Variants in TMCO6 observed in about 807,000 individuals in gnomAD.
TMCO6 encodes transmembrane and coiled-coil domains 6.
A neutral mutation model predicts 61.8 loss-of-function variants in TMCO6; 47 were observed. That is an observed-to-expected ratio of 0.76 (90% CI 0.60 to 0.97). The LOEUF (loss-of-function observed/expected upper bound fraction) is 0.97. Among genes scored for constraint, TMCO6 ranks in the 50% least tolerant of loss-of-function variants. TMCO6 has a pLI of 0.00. For missense variants in TMCO6, 557 were observed against 601.6 expected, an observed-to-expected ratio of 0.93 and a Z score of 0.78; for synonymous variants, 261 against 254.2, an observed-to-expected ratio of 1.03 and a Z score of -0.25.
chr5:140,600,763 C>A, the TMCO6 span, among the ~76,000 whole-genome samples: 1 of 151,990 alleles, frequency 6.6e-6, no homozygotes, highest in Non-Finnish European at 1.5e-5. Context: ...TGGGCCTGGC[C>A]CCAAAGGGTG....
the TMCO6 span, among the ~76,000 whole-genome samples, chr5:140,600,273 G>A: frequency 6.6e-6 from 1 of 152,056 alleles, no homozygotes; most frequent in African/African-American, 2.4e-5. Context: ...GTTATTGCTG[G>A]GTGGCACTCA....
At chr5:140,632,158 T>C in the TMCO6 span, 1 of 1,614,102 alleles carries the variant, frequency 6.2e-7, no homozygotes, top group East Asian at 2.2e-5. The surrounding 1 kb of genome is among the most constrained non-coding windows in gnomAD (Gnocchi z 6.2). Flanking sequence ...TTCAGGGCGC[T>C]GGACCACATG....
rs755858198 is a variant in TMCO6 at position 140,644,683 on chromosome 5, T to G, written c.1311T>G (p.Thr437=). ...TGCACACACTAGCCTTTTCTGACAC[T>G]GAAGTAGTAGGCCAGAGTTTGGAGC... ...ALLHTLAFSD[T]EVVGQSLELL... Residue 437 remains threonine (T), a synonymous_variant, in exon 11 of 12, where the codon ACT becomes ACG. Transcript: ENST00000394671. 1.9e-6 allele frequency: 3 copies of G among 1,614,240 alleles called. No individual in the cohort carries two copies. The East Asian group carries it at 6.7e-5, about 36-fold the overall frequency.
upstream of TMCO6, among the ~76,000 whole-genome samples, chr5:140,636,874 A>G (rs1481851784): frequency 6.6e-6 from 1 of 152,222 alleles, no homozygotes; most frequent in African/African-American, 2.4e-5. Flanking sequence ...TTTAAAAATT[A>G]GAGGTTTCCT....
chr5:140,611,037 G>C, the TMCO6 span, among the ~76,000 whole-genome samples: 1 of 152,066 alleles, frequency 6.6e-6, no homozygotes, highest in Non-Finnish European at 1.5e-5. Flanking sequence ...TGTTAAACCT[G>C]TAAGAATTAA....
chr5:140,625,469 C>T, the TMCO6 span, among the ~76,000 whole-genome samples: 3 of 152,158 alleles, frequency 2.0e-5, no homozygotes, highest in South Asian at 4.1e-4. Flanking sequence ...CTACAAGGCT[C>T]ACTCTCTCAC....
chr5:140,644,109 CTA>C lies in TMCO6; in HGVS notation c.1116_1117del (p.Ser373PhefsTer12). 6.2e-7 allele frequency: 1 copy of C among 1,614,164 alleles called. No individual in the cohort carries two copies. Among genetic ancestry groups the C allele is most frequent in the Non-Finnish European group, 8.5e-7 (1 of 1,180,024 alleles). On this transcript the variant is annotated frameshift_variant, in exon 10 of 12. Coordinates refer to ENST00000394671, the MANE Select transcript of TMCO6 (RefSeq NM_018502.5). LOFTEE classifies it high-confidence loss of function. ...GGTACTTCTCTTCCAGCAAACAGTC[CTA>C]GTTTCTGTACCTCCTTGCTCTCCCT...
In TMCO6 at chr5:140,642,375, C is replaced by G. The variant is rs1334485926; in HGVS notation, c.559C>G (p.Leu187Val). 1 of 1,613,772 alleles carries G rather than the reference C, an allele frequency of 6.2e-7. No homozygotes were observed. Among genetic ancestry groups the G allele is most frequent in the South Asian group, 1.1e-5 (1 of 90,990 alleles). ...IVESEAVRRQLLPQGIVPALA... is the reference protein window; with the variant it reads ...IVESEAVRRQVLPQGIVPALA... ...GGAGAGTGAGGCTGTGAGAAGGCAG[C>G]TCCTGCCACAGGGCATTGTTCCAGC... Residue 187 changes from leucine to valine, a missense_variant, in exon 5 of 12, where the codon CTC becomes GTC. Transcript: ENST00000394671.
At chr5:140,629,890 G>T in the TMCO6 span, among the ~76,000 whole-genome samples, 1 of 145,428 alleles carries the variant, frequency 6.9e-6, no homozygotes, top group South Asian at 2.2e-4. Flanking sequence ...CTGAGATTGC[G>T]CCATTGCACT....
At chr5:140,599,087 C>T in the TMCO6 span, among the ~76,000 whole-genome samples, 1 of 152,240 alleles carries the variant, frequency 6.6e-6, no homozygotes, top group African/African-American at 2.4e-5. Context: ...GGGCCACCTG[C>T]ATTCTCTGTC....
the TMCO6 span, among the ~76,000 whole-genome samples, chr5:140,607,961 T>C: frequency 2.4e-4 from 37 of 152,048 alleles, no homozygotes; most frequent in African/African-American, 8.9e-4. Flanking sequence ...GGCTAATTTT[T>C]GTATTTTTGG....
At chr5:140,633,064 C>T in the TMCO6 span, 4 of 1,614,198 alleles carry the variant, frequency 2.5e-6, no homozygotes, top group South Asian at 4.4e-5. Flanking sequence ...AGACCCTACA[C>T]TCACCATGGT....
At position 140,642,328 on chromosome 5, in the gene TMCO6, A is replaced by T. The variant is rs765117515; in HGVS notation, c.512A>T (p.Tyr171Phe). The T allele has an allele frequency of 6.2e-7, 1 of 1,613,022 alleles. No individual in the cohort carries two copies. Among genetic ancestry groups the T allele is most frequent in the Non-Finnish European group, 8.5e-7 (1 of 1,179,480 alleles). The change falls in exon 5 of 12, where the codon TAT (tyrosine) becomes TTT (phenylalanine). Residue 171 changes from tyrosine (Y) to phenylalanine (F), a missense_variant. Coordinates refer to ENST00000394671, the MANE Select transcript of TMCO6 (RefSeq NM_018502.5). ...GCCTGTTCTCAGGAGCTGTGTCTGT[A>T]TACACTGGGTAACCTGATCGTGGAG... is the stretch of plus-strand genomic sequence containing the variant. Reference protein sequence around the residue: ...HSSDFIELCLYTLGNLIVESE... With the variant: ...HSSDFIELCLFTLGNLIVESE...
At position 140,639,493 on chromosome 5, in the gene TMCO6, G is replaced by C. The variant is rs1171438635; in HGVS notation, c.-35G>C. 2 of 1,543,414 alleles carry C rather than the reference G, an allele frequency of 1.3e-6. No homozygotes were observed. The highest frequency in any genetic ancestry group is 1.8e-6 in the Non-Finnish European group (2 of 1,141,410). On this transcript the variant is annotated 5_prime_UTR_variant, in exon 1 of 12. Transcript: ENST00000394671. The stretch of plus-strand genomic sequence containing the variant: ...CTACGCCCCTGGGAGCGTTGTGGCT[G>C]CTGTTTCCTTCGGCTTTCCTCCTCC...
the TMCO6 span, among the ~76,000 whole-genome samples, chr5:140,598,360 C>T: frequency 1.1e-4 from 16 of 152,168 alleles, no homozygotes; most frequent in African/African-American, 3.9e-4. Flanking sequence ...TGAGCCACTG[C>T]ACCCTCACTC....
the TMCO6 span, among the ~76,000 whole-genome samples, chr5:140,613,834 A>T: frequency 6.6e-6 from 1 of 151,876 alleles, no homozygotes; most frequent in Admixed American, 6.6e-5. Flanking sequence ...CAGCCTCCCA[A>T]AGCACAGGGA....
chr5:140,647,324 G>A (rs755726191), downstream of TMCO6: 47 of 1,600,868 alleles, frequency 2.9e-5, no homozygotes, highest in Non-Finnish European at 3.8e-5. Flanking sequence ...GTCGGGATTC[G>A]CCTTCTTCAG....
intron 1 of TMCO6, 59 bp from the exon 2 acceptor site, chr5:140,639,680 G>C: frequency 1.3e-6 from 2 of 1,547,460 alleles, no homozygotes. Flanking sequence ...CAGGCTCGGA[G>C]CCGCGGGTTC....
downstream of TMCO6, chr5:140,645,698 T>G: frequency 8.7e-6 from 14 of 1,614,046 alleles, no homozygotes; most frequent in Non-Finnish European, 1.2e-5. Flanking sequence ...GAGAGGGAGG[T>G]GTCTTTAACT....
Sources: allele counts gnomAD v4.1 joint callset (sites outside exome capture counted in the v4.1 genomes callset), GRCh38; gene constraint gnomAD v4.1.1; non-coding constraint Gnocchi (gnomAD v3.1); transcripts MANE v1.5; gene names NCBI Gene and HGNC (gene_info 2026-07-23, HGNC 2026-07-21).